Variants in PTDSS1 observed in about 807,000 individuals in gnomAD.
PTDSS1 encodes the protein phosphatidylserine synthase 1, also known as PSS-1.
A neutral mutation model predicts 70.5 loss-of-function variants in PTDSS1; 45 were observed. That is an observed-to-expected ratio of 0.64 (90% CI 0.50 to 0.82). PTDSS1 has a LOEUF of 0.82. Ranked by LOEUF, PTDSS1 falls within the 40% of genes least tolerant of loss-of-function variation. PTDSS1 has a pLI of 0.00. For synonymous variants in PTDSS1, 188 were observed against 203.8 expected (o/e 0.92, Z 0.66); for missense variants, 417 against 586.1 (o/e 0.71, Z 2.98).
At chr8:96,268,885 C>T (rs755698457) in intron 1 of PTDSS1, among the ~76,000 whole-genome samples, 33 of 152,160 alleles carry the variant, frequency 2.2e-4, no homozygotes, top group African/African-American at 4.1e-4. Context: ...TCCCCCCTCA[C>T]GTTACCTGAG....
At chr8:96,327,276 G>T (rs548357275) in intron 10 of PTDSS1, among the ~76,000 whole-genome samples, 1 of 152,136 alleles carries the variant, frequency 6.6e-6, no homozygotes, top group Non-Finnish European at 1.5e-5. Flanking sequence ...GCTGACTGAG[G>T]CTGGGATACC....
intron 9 of PTDSS1, among the ~76,000 whole-genome samples, chr8:96,310,322 A>G (rs570712012): frequency 1.3e-5 from 2 of 150,870 alleles, no homozygotes; most frequent in South Asian, 2.1e-4. Flanking sequence ...GCACCACCAC[A>G]CCCTACTAAG....
At chr8:96,283,160 C>T (rs1436718291) in intron 2 of PTDSS1, among the ~76,000 whole-genome samples, 1 of 152,198 alleles carries the variant, frequency 6.6e-6, no homozygotes, top group East Asian at 1.9e-4. Context: ...TCACTAGCTC[C>T]TGAGGCCAAG....
At chr8:96,319,038 C>T (rs527414014) in intron 9 of PTDSS1, among the ~76,000 whole-genome samples, 8 of 151,376 alleles carry the variant, frequency 5.3e-5, no homozygotes, top group East Asian at 2.0e-4. Context: ...CTCAGCCTCC[C>T]GAGTAGCTGG....
intron 9 of PTDSS1, among the ~76,000 whole-genome samples, chr8:96,319,281 A>C (rs1811341452): frequency 6.6e-6 from 1 of 152,112 alleles, no homozygotes; most frequent in Non-Finnish European, 1.5e-5. Context: ...TCTCATCTTG[A>C]GCAAGGAATG....
intron 9 of PTDSS1, among the ~76,000 whole-genome samples, chr8:96,313,934 G>A (rs1365761279): frequency 6.6e-6 from 1 of 152,122 alleles, no homozygotes; most frequent in Non-Finnish European, 1.5e-5. Context: ...TCTGTTTTCA[G>A]TTCCCTTTGC....
At chr8:96,316,306 C>A (rs111903758) in intron 9 of PTDSS1, among the ~76,000 whole-genome samples, 3,273 of 152,226 alleles carry the variant, frequency 0.022, 120 homozygotes, top group African/African-American at 0.073. Flanking sequence ...ATAGCAAAGA[C>A]ATGGAATCCA....
intron 5 of PTDSS1, 119 bp from the exon 6 acceptor site, chr8:96,299,575 A>G (rs1811021990): frequency 8.8e-7 from 1 of 1,139,858 alleles, no homozygotes. Flanking sequence ...TACATTAGGA[A>G]AAAATGAAAT....
intron 5 of PTDSS1, 38 bp downstream of exon 5, chr8:96,295,294 C>A (rs761492805): frequency 1.9e-6 from 3 of 1,583,940 alleles, no homozygotes; most frequent in Non-Finnish European, 2.6e-6. Context: ...CAGACTGTGC[C>A]ATGTGTGTAG....
intron 2 of PTDSS1, among the ~76,000 whole-genome samples, chr8:96,276,980 G>GCACACACACACACACACA (rs57116529): frequency 3.5e-4 from 51 of 146,014 alleles, no homozygotes; most frequent in African/African-American, 1.3e-3. Flanking sequence ...GCACGCGCGC[G>GCACACACACACACACACA]CACACACACA....
intron 9 of PTDSS1, among the ~76,000 whole-genome samples, chr8:96,317,220 T>TC (rs1193013168): frequency 2.0e-5 from 3 of 151,818 alleles, no homozygotes; most frequent in Non-Finnish European, 4.4e-5. Context: ...CTCAGCCCTT[T>TC]CCCCTGATTC....
intron 2 of PTDSS1, among the ~76,000 whole-genome samples, chr8:96,276,980 GCA>G (rs57116529): frequency 0.4 from 58,936 of 145,876 alleles, 13,278 homozygotes; most frequent in Admixed American, 0.56. Flanking sequence ...GCACGCGCGC[GCA>G]CACACACACA....
At chr8:96,326,744 T>TA in intron 10 of PTDSS1, among the ~76,000 whole-genome samples, 1 of 152,236 alleles carries the variant, frequency 6.6e-6, no homozygotes, top group Non-Finnish European at 1.5e-5. Flanking sequence ...CTGTGTCTCA[T>TA]GGGGAAACAC....
chr8:96,276,087 T>G (rs1280826689), intron 2 of PTDSS1, among the ~76,000 whole-genome samples: 1 of 152,248 alleles, frequency 6.6e-6, no homozygotes, highest in Non-Finnish European at 1.5e-5. Flanking sequence ...TTCGTGGCTT[T>G]GAAAGTTTCT....
At chr8:96,314,689 C>T (rs528785875) in intron 9 of PTDSS1, among the ~76,000 whole-genome samples, 29 of 152,290 alleles carry the variant, frequency 1.9e-4, no homozygotes, top group Admixed American at 3.3e-4. Flanking sequence ...CTCCGCCTCC[C>T]GGGTTCATGC....
chr8:96,282,083 C>T (rs1214041121), intron 2 of PTDSS1, among the ~76,000 whole-genome samples: 1 of 152,036 alleles, frequency 6.6e-6, no homozygotes, highest in African/African-American at 2.4e-5. Context: ...TAGAGGTGAA[C>T]CTTATAAGAG....
Position 96,314,924 on chromosome 8 carries a change from CCTTT to C in PTDSS1, c.1073+5306_1073+5309del, listed in dbSNP as rs530764612. 8.2e-4 allele frequency among the ~76,000 whole-genome samples: 124 copies of C among 152,100 alleles called. 1 individual carries two copies. The South Asian group carries it at 0.025, about 31-fold the overall frequency. On this transcript the variant is annotated intron_variant, in intron 9 of 12. Transcript: ENST00000517309. ...AAAGCTTTTTTTTAGCAGCCGATCCCCTTTCTTCAAATGGCATCTTGCCCCAAAT... is the reference window on the plus strand; with the variant it reads ...AAAGCTTTTTTTTAGCAGCCGATCCCCTTCAAATGGCATCTTGCCCCAAAT...
At chr8:96,299,307 C>A (rs958289508) in intron 5 of PTDSS1, among the ~76,000 whole-genome samples, 1 of 152,168 alleles carries the variant, frequency 6.6e-6, no homozygotes, top group African/African-American at 2.4e-5. Context: ...TCTCAAGCTG[C>A]TAATTTTGAG....
chr8:96,298,177 C>G, intron 5 of PTDSS1, among the ~76,000 whole-genome samples: 1 of 152,134 alleles, frequency 6.6e-6, no homozygotes, highest in East Asian at 1.9e-4. Context: ...TAGTACCAGG[C>G]CCCTGGGGTT....
Sources: allele counts gnomAD v4.1 joint callset (sites outside exome capture counted in the v4.1 genomes callset), GRCh38; gene constraint gnomAD v4.1.1; transcripts MANE v1.5; gene names NCBI Gene and HGNC (gene_info 2026-07-23, HGNC 2026-07-21).